LZTFL1: variants seen among roughly 807,000 people sequenced by gnomAD.
LZTFL1 encodes leucine zipper transcription factor-like protein 1.
LZTFL1 carries 25 observed loss-of-function variants against 45.9 expected under a neutral mutation model. The observed-to-expected ratio is 0.54, with a 90% CI of 0.40 to 0.76. The LOEUF is 0.76. Among genes scored for constraint, LZTFL1 ranks in the 30% least tolerant of loss-of-function variants. The pLI, the probability that LZTFL1 is intolerant of heterozygous loss-of-function variation, is 0.00. For synonymous variants in LZTFL1, 93 were observed against 117.4 expected (o/e 0.79, Z 1.35); for missense variants, 277 against 331.1 (o/e 0.84, Z 1.27).
chr3:45,841,661 T>C (rs1229159022), intron 1 of LZTFL1: 1 of 485,482 alleles, frequency 2.1e-6, no homozygotes. Context: ...CCGTGCACCT[T>C]AGGCCGGCAG....
intron 2 of LZTFL1, among the ~76,000 whole-genome samples, chr3:45,896,740 G>T (rs1413696450): frequency 6.6e-6 from 1 of 152,158 alleles, no homozygotes; most frequent in African/African-American, 2.4e-5. Context: ...CAGAGTCCCT[G>T]CTGATAACAA....
rs1360121834 is a variant in LZTFL1, at chr3:45,842,097, G to A, written c.-106C>T. The A allele has an allele frequency of 2.6e-6, 4 of 1,561,480 alleles. No homozygotes were observed. The highest frequency in any genetic ancestry group is 3.5e-6 in the Non-Finnish European group (4 of 1,156,868). On this transcript the variant is annotated 5_prime_UTR_variant, in exon 1 of 10. Transcript: ENST00000296135. ...TTGGACCACAGAAAATGGGGAAGGA[G>A]GGTAGGTTGTTTAGAAGCCTCTGGT...
chr3:45,889,355 T>C (rs573424912), intron 2 of LZTFL1, among the ~76,000 whole-genome samples: 14 of 152,332 alleles, frequency 9.2e-5, no homozygotes, highest in African/African-American at 3.4e-4. Flanking sequence ...TACAACTTAG[T>C]TGCATAAAGT....
chr3:45,834,931 T>C (rs1160365471), intron 3 of LZTFL1: 2 of 152,786 alleles, frequency 1.3e-5, no homozygotes, highest in African/African-American at 4.8e-5. Context: ...CCCCAGCTCA[T>C]AGGTTGTCCT....
rs1239612975 is a variant in LZTFL1 at position 45,835,744 on chromosome 3, C to CT, written c.168dup (p.Val57SerfsTer11). 1 of 1,613,848 alleles carries CT rather than the reference C, an allele frequency of 6.2e-7. No homozygotes were observed. Among genetic ancestry groups the CT allele is most frequent in the East Asian group, 2.2e-5 (1 of 44,892 alleles). Reference sequence around the variant, plus strand: ...ACCACAGCTTGTAATCCATTGAGGACTTCAGAGACTTCATCTATGGTGAAG... The same window carrying CT: ...ACCACAGCTTGTAATCCATTGAGGACTTTCAGAGACTTCATCTATGGTGAAG... On this transcript the variant is annotated frameshift_variant, in exon 3 of 10. Transcript: ENST00000296135. LOFTEE classifies it high-confidence loss of function.
At chr3:45,903,922 A>C (rs1487301439) in intron 2 of LZTFL1, among the ~76,000 whole-genome samples, 1 of 152,272 alleles carries the variant, frequency 6.6e-6, no homozygotes, top group African/African-American at 2.4e-5. Context: ...AGAATAAAAA[A>C]GATGCATGAG....
intron 3 of LZTFL1, among the ~76,000 whole-genome samples, chr3:45,855,726 G>A (rs1352357947): frequency 6.6e-6 from 1 of 152,124 alleles, no homozygotes; most frequent in Admixed American, 6.5e-5. Flanking sequence ...CAAAATCAAT[G>A]TGCAAAAATC....
chr3:45,862,714 G>A (rs73064428), intron 2 of LZTFL1, among the ~76,000 whole-genome samples: 3 of 152,334 alleles, frequency 2.0e-5, no homozygotes, highest in Non-Finnish European at 4.4e-5. Context: ...AGTATGGGCC[G>A]ATCTACTAGC....
At chr3:45,857,218 C>A (rs956646262) in intron 3 of LZTFL1, among the ~76,000 whole-genome samples, 5 of 152,184 alleles carry the variant, frequency 3.3e-5, no homozygotes, top group Admixed American at 1.3e-4. Flanking sequence ...ATGTCCTTTG[C>A]AGGGATATGG....
chr3:45,904,430 C>A (rs1480222766), intron 2 of LZTFL1, among the ~76,000 whole-genome samples: 1 of 152,190 alleles, frequency 6.6e-6, no homozygotes, highest in Non-Finnish European at 1.5e-5. Context: ...ATGCTTTTCC[C>A]AGCTTTGGTG....
intron 2 of LZTFL1, among the ~76,000 whole-genome samples, chr3:45,873,168 C>T (rs936013418): frequency 1.3e-5 from 2 of 152,186 alleles, no homozygotes; most frequent in Non-Finnish European, 2.9e-5. Flanking sequence ...TCAAGCTTCT[C>T]AAACTTTACT....
intron 2 of LZTFL1, among the ~76,000 whole-genome samples, chr3:45,911,112 T>C (rs140421798): frequency 9.8e-5 from 15 of 152,326 alleles, no homozygotes; most frequent in Admixed American, 3.3e-4. Flanking sequence ...GGTCCTTTTC[T>C]GACATGGCAC....
At chr3:45,891,692 A>G (rs72884920) in intron 2 of LZTFL1, among the ~76,000 whole-genome samples, 1,708 of 151,814 alleles carry the variant, frequency 0.011, 35 homozygotes, top group African/African-American at 0.039. Flanking sequence ...CTTCACAATT[A>G]TTTTTTTTCC....
upstream of LZTFL1, among the ~76,000 whole-genome samples, chr3:45,845,217 C>G (rs1418751850): frequency 6.6e-6 from 1 of 152,172 alleles, no homozygotes; most frequent in Non-Finnish European, 1.5e-5. Context: ...AATCTGGATA[C>G]TCGCAAGACA....
chr3:45,852,647 A>G (rs2125702940), intron 4 of LZTFL1, among the ~76,000 whole-genome samples: 1 of 152,344 alleles, frequency 6.6e-6, no homozygotes, highest in East Asian at 1.9e-4. Flanking sequence ...TCCTCACATC[A>G]AAATGTGGGA....
intron 2 of LZTFL1, chr3:45,903,000 T>G (rs1258293451): frequency 1.2e-5 from 2 of 167,134 alleles, no homozygotes; most frequent in Admixed American, 1.3e-4. Context: ...GGAATTCACC[T>G]TTGCATCTTT....
intron 2 of LZTFL1, among the ~76,000 whole-genome samples, chr3:45,869,849 CA>C: frequency 6.6e-6 from 1 of 152,382 alleles, no homozygotes; most frequent in Non-Finnish European, 1.5e-5. Context: ...ATGTCATCAT[CA>C]ATCCTCTGGT....
At chr3:45,841,828 G>C (rs1470123801) in intron 1 of LZTFL1, 161 bp downstream of exon 1, 1 of 937,084 alleles carries the variant, frequency 1.1e-6, no homozygotes, top group South Asian at 1.5e-5. Context: ...GCGGTTAACC[G>C]AATCTCTCGC....
At chr3:45,915,530 T>C (rs1482276548) in exon 1 of LZTFL1, 1 of 456,440 alleles carries the variant, frequency 2.2e-6, no homozygotes, top group Non-Finnish European at 4.4e-6. Flanking sequence ...TGAAATCATT[T>C]TTTCTGTGAT....
Sources: gnomAD v4.1 joint callset for allele counts (sites outside exome capture counted in the v4.1 genomes callset) on GRCh38, gnomAD v4.1.1 for gene constraint, MANE v1.5 for transcripts, NCBI Gene and HGNC (gene_info 2026-07-23, HGNC 2026-07-21) for gene names.